The following VTCN1 variants were observed in gnomAD, a reference collection of about 807,000 sequenced individuals.
VTCN1 encodes the protein V-set domain-containing T-cell activation inhibitor 1.
In VTCN1, 26 loss-of-function variants were observed where a neutral mutation model predicts 26.5. The ratio of observed to expected loss-of-function variants is 0.98; its 90% confidence interval spans 0.72 to 1.36. VTCN1 has a LOEUF of 1.36. VTCN1 is among the 40% of genes most tolerant of loss of function. The pLI, the probability that VTCN1 is intolerant of heterozygous loss-of-function variation, is 0.00. For missense variants in VTCN1, 298 were observed against 337.7 expected (o/e 0.88, Z 0.92); for synonymous variants, 116 against 130.7 (o/e 0.89, Z 0.77).
chr1:117,151,535 T>TATTGGTCCATTTTACAGAGCGCTG (rs58247885), intron 4 of VTCN1, among the ~76,000 whole-genome samples: 5,804 of 150,462 alleles, frequency 0.039, 542 homozygotes, highest in African/African-American at 0.14. Flanking sequence ...ACTTCCTGCC[T>TATTGGTCCATTTTACAGAGCGCTG]ATTGGTCCAT....
At position 117,175,931 on chromosome 1, in the gene VTCN1, C is replaced by T. The variant is rs7525765; in HGVS notation, c.33-5760G>A. ...GATTACAGGCACGTGCCACCACGCCCGGCTAATTTTTTATTTTTAGTAGAG... is the reference window on the plus strand; with the variant it reads ...GATTACAGGCACGTGCCACCACGCCTGGCTAATTTTTTATTTTTAGTAGAG... On this transcript the variant is annotated intron_variant, in intron 1 of 5. Coordinates refer to ENST00000369458, the MANE Select transcript of VTCN1 (RefSeq NM_024626.4). The surrounding 1 kb of genome is among the most constrained non-coding windows in gnomAD (Gnocchi z 4.2). Among the ~76,000 whole-genome samples the T allele has an allele frequency of 0.071, 10,781 of 152,012 alleles. 1,276 individuals are homozygous for T. Among genetic ancestry groups the T allele is most frequent in the African/African-American group, 0.24 (10,117 of 41,378 alleles).
At position 117,183,890 on chromosome 1, in the gene VTCN1, C is replaced by A. The variant is rs1647793258; in HGVS notation, c.33-13719G>T. ...TTGCAGAGGCTAAAAATGAAACCAG[C>A]ACATGAGTCCAGATCAGTAAGAGAG... is the stretch of plus-strand genomic sequence containing the variant. On this transcript the variant is annotated intron_variant, in intron 1 of 5. Transcript: ENST00000369458. The surrounding 1 kb of genome is among the most constrained non-coding windows in gnomAD (Gnocchi z 4.1). Among the ~76,000 whole-genome samples the A allele has an allele frequency of 6.6e-6, 1 of 152,122 alleles. No homozygotes were observed. Among genetic ancestry groups the A allele is most frequent in the Non-Finnish European group, 1.5e-5 (1 of 68,016 alleles).
chr1:117,174,109 G>A (rs1653072521), intron 1 of VTCN1, among the ~76,000 whole-genome samples: 1 of 152,020 alleles, frequency 6.6e-6, no homozygotes, highest in South Asian at 2.1e-4. Flanking sequence ...TTCACTTCAG[G>A]GGTTCTTACA....
At position 117,203,896 on chromosome 1, in the gene VTCN1, T is replaced by A. The variant is rs746771114; in HGVS notation, c.32+6928A>T. 4.4e-5 allele frequency: 23 copies of A among 525,730 alleles called. No individual in the cohort carries two copies. The South Asian group carries it at 7.3e-4, about 17-fold the overall frequency. The allele number at this position is 525,730 out of a possible 1,614,324, so 32.6% of individuals were successfully genotyped here. On this transcript the variant is annotated intron_variant, in intron 1 of 5. Coordinates refer to ENST00000369458, the MANE Select transcript of VTCN1 (RefSeq NM_024626.4). ...TGGGGGGAATGAAAATTTGCATCTC[T>A]AATAGTTCCCAGGTGATGTGGATGC...
At position 117,155,475 on chromosome 1, in the gene VTCN1, A is replaced by G. The variant is rs1652024909; in HGVS notation, c.445+1099T>C. On this transcript the variant is annotated intron_variant, in intron 3 of 5. Transcript: ENST00000369458. This position sits in a 1 kb window ranked among gnomAD's most constrained non-coding sequence, Gnocchi z 4.8. ...CATTTATTTAAATAAGTATGAAGTC[A>G]TATGTATTTATTCTATACCTTTGAG... Among the ~76,000 whole-genome samples the G allele has an allele frequency of 6.6e-6, 1 of 152,244 alleles. No homozygotes were observed. The highest frequency in any genetic ancestry group is 6.5e-5 in the Admixed American group (1 of 15,286).
intron 4 of VTCN1, among the ~76,000 whole-genome samples, chr1:117,149,805 T>C (rs879433208): frequency 1.3e-5 from 2 of 152,224 alleles, no homozygotes; most frequent in Non-Finnish European, 2.9e-5. Context: ...GTAAATCCCA[T>C]GGCCCTACTT....
intron 4 of VTCN1, among the ~76,000 whole-genome samples, chr1:117,149,382 C>A (rs1031496241): frequency 3.3e-5 from 5 of 151,584 alleles, no homozygotes; most frequent in Non-Finnish European, 7.4e-5. Context: ...TTTCTCTTGA[C>A]TTTCACATTT....
At chr1:117,168,487 C>T (rs531519587) in intron 2 of VTCN1, among the ~76,000 whole-genome samples, 16 of 152,252 alleles carry the variant, frequency 1.1e-4, no homozygotes, top group Non-Finnish European at 1.9e-4. Flanking sequence ...AACATCTTCA[C>T]GACCTTGGAA....
intron 2 of VTCN1, 47 bp from the exon 3 acceptor site, chr1:117,156,968 T>G (rs1407134801): frequency 1.2e-6 from 2 of 1,612,850 alleles, no homozygotes; most frequent in African/African-American, 1.3e-5. Context: ...GCCTTGGAAC[T>G]TCTACAACCA....
intron 1 of VTCN1, among the ~76,000 whole-genome samples, chr1:117,172,073 G>T (rs1176255690): frequency 2.0e-5 from 3 of 152,142 alleles, no homozygotes; most frequent in Non-Finnish European, 2.9e-5. Context: ...GTCCTCAGCC[G>T]CCCGCTCACA....
At chr1:117,207,105 A>G (rs551773115) in intron 1 of VTCN1, among the ~76,000 whole-genome samples, 1 of 152,256 alleles carries the variant, frequency 6.6e-6, no homozygotes, top group South Asian at 2.1e-4. Flanking sequence ...AAGGTCTGAG[A>G]TGTCTGAGCC....
rs990907577 is a variant in VTCN1, at chr1:117,153,076, C to T, written c.724+15G>A. The T allele has an allele frequency of 1.9e-6, 3 of 1,596,760 alleles. No individual in the cohort carries two copies. In the African/African-American group the frequency reaches 4.0e-5, roughly 21 times the overall value. ...TTTCCCCAGTAAATCCATACAAAAG[C>T]ATGCAGGAACCCACCTGTCACTTTG... On this transcript the variant is annotated intron_variant, in intron 4 of 5. Coordinates refer to ENST00000369458, the MANE Select transcript of VTCN1 (RefSeq NM_024626.4).
At chr1:117,163,980 G>T (rs1211535518) in intron 2 of VTCN1, among the ~76,000 whole-genome samples, 1 of 152,242 alleles carries the variant, frequency 6.6e-6, no homozygotes, top group Non-Finnish European at 1.5e-5. Context: ...TGAAGCTGGA[G>T]CATTACTGTA....
chr1:117,195,494 A>G (rs1398347574), intron 1 of VTCN1, among the ~76,000 whole-genome samples: 3 of 152,070 alleles, frequency 2.0e-5, no homozygotes, highest in Non-Finnish European at 4.4e-5. Flanking sequence ...TTATACCTCA[A>G]TTAAGCTGTG....
intron 1 of VTCN1, among the ~76,000 whole-genome samples, chr1:117,180,475 A>T (rs1647620930): frequency 1.3e-5 from 2 of 152,222 alleles, no homozygotes; most frequent in Non-Finnish European, 2.9e-5. Context: ...TTTCCACAAG[A>T]TTCCTTCAGC....
rs2101536913 is a variant in VTCN1, at chr1:117,175,235, C to A, written c.33-5064G>T. 6.6e-6 allele frequency among the ~76,000 whole-genome samples: 1 copy of A among 152,338 alleles called. No individual in the cohort carries two copies. The highest frequency in any genetic ancestry group is 6.5e-5 in the Admixed American group (1 of 15,304). On this transcript the variant is annotated intron_variant, in intron 1 of 5. Coordinates refer to ENST00000369458, the MANE Select transcript of VTCN1 (RefSeq NM_024626.4). The surrounding 1 kb of genome is among the most constrained non-coding windows in gnomAD (Gnocchi z 4.2). Reference sequence around the variant, plus strand: ...GGCAGAGCGCTCGAAACCTATGCGACTTTGTAATTAGTCTACTAACAGAAA... The same window carrying A: ...GGCAGAGCGCTCGAAACCTATGCGAATTTGTAATTAGTCTACTAACAGAAA...
intron 1 of VTCN1, among the ~76,000 whole-genome samples, chr1:117,178,832 C>G (rs940161732): frequency 2.0e-4 from 31 of 151,958 alleles, no homozygotes; most frequent in Non-Finnish European, 3.8e-4. Context: ...ATCAAGCAAT[C>G]CTCCCACCTT....
chr1:117,147,883 T>A lies in VTCN1; in HGVS notation c.725-101A>T. On this transcript the variant is annotated intron_variant, in intron 4 of 5. Coordinates refer to ENST00000369458, the MANE Select transcript of VTCN1 (RefSeq NM_024626.4). This position sits in a 1 kb window ranked among gnomAD's most constrained non-coding sequence, Gnocchi z 4.6. Reference sequence around the variant, plus strand: ...AAAAGTACCTGAAAAACAGAACAAGTTGTTCCTAATTCAGGCAATTTTTTA... The same window carrying A: ...AAAAGTACCTGAAAAACAGAACAAGATGTTCCTAATTCAGGCAATTTTTTA... 1.3e-6 allele frequency: 2 copies of A among 1,484,034 alleles called. No homozygotes were observed. Among genetic ancestry groups the A allele is most frequent in the Non-Finnish European group, 1.8e-6 (2 of 1,115,062 alleles). 91.9% of individuals were successfully genotyped at this position (1,484,034 alleles called of 1,614,324 possible).
intron 1 of VTCN1, among the ~76,000 whole-genome samples, chr1:117,209,713 GGCAGAAGTGCCGCT>G (rs1382884920): frequency 1.3e-5 from 2 of 152,212 alleles, no homozygotes; most frequent in African/African-American, 4.8e-5. Context: ...CAGGGGTGGG[GGCAGAAGTGCCGCT>G]GCAGCCACCC....
Sources: gnomAD v4.1 joint callset for allele counts (sites outside exome capture counted in the v4.1 genomes callset) on GRCh38, gnomAD v4.1.1 for gene constraint, Gnocchi (gnomAD v3.1) non-coding constraint, MANE v1.5 for transcripts, NCBI Gene and HGNC (gene_info 2026-07-23, HGNC 2026-07-21) for gene names.